The following PTK2B variants were observed in gnomAD, a reference collection of about 807,000 sequenced individuals.
The protein encoded by PTK2B is protein-tyrosine kinase 2-beta.
Under a neutral mutation model 142.9 loss-of-function variants are expected in PTK2B, and 71 were observed. The ratio of observed to expected loss-of-function variants is 0.50; its 90% CI spans 0.41 to 0.61. The LOEUF is 0.61. Ranked by LOEUF, PTK2B falls within the 20% of genes least tolerant of loss-of-function variation. The probability of loss-of-function intolerance (pLI) is 0.00; values close to 1 mark genes in which losing one functional copy is unlikely to be tolerated. For missense variants in PTK2B, 1,105 were observed against 1,320.4 expected, an observed-to-expected ratio of 0.84 and a Z score of 2.53; for synonymous variants, 519 against 503.4, an observed-to-expected ratio of 1.03 and a Z score of -0.42.
chr8:27,459,146 C>G lies in PTK2B; in HGVS notation c.*637C>G, dbSNP rs1937565986. On this transcript the variant is annotated 3_prime_UTR_variant, in exon 31 of 31. Coordinates refer to ENST00000346049, the MANE Select transcript of PTK2B (RefSeq NM_173176.3). ...GCTGTGTTGTCAACAAACCAAGCAT[C>G]AGGGGGAAGAAGCAGAGAGATGCGG... is the stretch of plus-strand genomic sequence containing the variant. The G allele has an allele frequency of 4.2e-6, 1 of 236,800 alleles. No individual in the cohort carries two copies. The highest frequency in any genetic ancestry group is 5.3e-5 in the Admixed American group (1 of 18,706). 14.7% of individuals were successfully genotyped at this position (236,800 alleles called of 1,614,324 possible). A position where few individuals can be genotyped will look rare whatever the true frequency, so the allele number is the denominator to read the frequency against.
At chr8:27,436,147 T>C (rs570487078) in intron 14 of PTK2B, 104 bp from the exon 15 acceptor site, 2 of 1,084,252 alleles carry the variant, frequency 1.8e-6, no homozygotes, top group South Asian at 2.7e-5. Flanking sequence ...GGCTGAGGTG[T>C]TATAGATCTG....
rs551940621 is a variant in PTK2B at position 27,393,213 on chromosome 8, G to C, written c.-37-4335G>C. Among the ~76,000 whole-genome samples, 12 of 152,292 alleles carry C rather than the reference G, an allele frequency of 7.9e-5. No homozygotes were observed. In the South Asian group the frequency reaches 1.2e-3, roughly 16 times the overall value. On this transcript the variant is annotated intron_variant, in intron 1 of 30. Transcript: ENST00000346049. ...CATCTTCACTCCTGCCCACCTCCCA[G>C]GATTGGGCAGCAGATTGTTGTGCAA... is the stretch of plus-strand genomic sequence containing the variant.
intron 5 of PTK2B, among the ~76,000 whole-genome samples, chr8:27,422,782 G>A (rs931293891): frequency 1.6e-4 from 24 of 152,186 alleles, no homozygotes; most frequent in African/African-American, 5.1e-4. Context: ...CCCATCTCCA[G>A]TAGGCACTTG....
intron 1 of PTK2B, among the ~76,000 whole-genome samples, chr8:27,351,380 A>G (rs1013699762): frequency 6.6e-6 from 1 of 151,934 alleles, no homozygotes; most frequent in Non-Finnish European, 1.5e-5. Context: ...AAGATGTTAG[A>G]AGTGATTAAT....
intron 1 of PTK2B, among the ~76,000 whole-genome samples, chr8:27,362,134 C>T (rs1482104603): frequency 6.6e-6 from 1 of 152,166 alleles, no homozygotes; most frequent in East Asian, 1.9e-4. Context: ...CAGGTCTGGC[C>T]CTGAGCCTCC....
At chr8:27,397,003 TG>T (rs1808090503) in intron 1 of PTK2B, among the ~76,000 whole-genome samples, 1 of 152,184 alleles carries the variant, frequency 6.6e-6, no homozygotes, top group South Asian at 2.1e-4. Flanking sequence ...CAGCTGAGGA[TG>T]GGGGTGGACA....
At chr8:27,380,587 G>A (rs1020791224) in intron 1 of PTK2B, 1 of 151,968 alleles carries the variant, frequency 6.6e-6, no homozygotes, top group Non-Finnish European at 1.5e-5. Context: ...AAAGGGCTTG[G>A]GTAACGACAA....
At position 27,367,163 on chromosome 8, in the gene PTK2B, C is replaced by A. The variant is rs551770383; in HGVS notation, c.-37-30385C>A. ...TCACCAATTAATAGTTTTAAACACA[C>A]ACGCACACATGCCACACACACACTG... On this transcript the variant is annotated intron_variant, in intron 1 of 30. Coordinates refer to ENST00000346049, the MANE Select transcript of PTK2B (RefSeq NM_173176.3). 2.3e-4 allele frequency among the ~76,000 whole-genome samples: 35 copies of A among 152,328 alleles called. No individual in the cohort carries two copies. The South Asian group carries it at 3.7e-3, about 16-fold the overall frequency.
intron 1 of PTK2B, among the ~76,000 whole-genome samples, chr8:27,333,234 A>G (rs1165659121): frequency 6.6e-6 from 1 of 152,192 alleles, no homozygotes; most frequent in Non-Finnish European, 1.5e-5. Flanking sequence ...CAAGAGTGGC[A>G]AAAGGCAATC....
rs1586097995 is a variant in PTK2B, at chr8:27,334,297, A to G, written c.-38+8616A>G. ...TTAAATTTACCATTCAGTGCCTCCC[A>G]TAATCCAACCTTGATCTGCTCTTCT... is the stretch of plus-strand genomic sequence containing the variant. On this transcript the variant is annotated intron_variant, in intron 1 of 30. Transcript: ENST00000346049. Among the ~76,000 whole-genome samples the G allele has an allele frequency of 2.0e-5, 3 of 152,270 alleles. No individual in the cohort carries two copies. In the South Asian group the frequency reaches 6.2e-4, roughly 32 times the overall value.
chr8:27,433,423 T>C lies in PTK2B; in HGVS notation c.988-12T>C. 1 of 1,610,456 alleles carries C rather than the reference T, an allele frequency of 6.2e-7. No individual in the cohort carries two copies. Among genetic ancestry groups the C allele is most frequent in the South Asian group, 1.1e-5 (1 of 90,980 alleles). On this transcript the variant is annotated splice_polypyrimidine_tract_variant and intron_variant, in intron 10 of 30. Coordinates refer to ENST00000346049, the MANE Select transcript of PTK2B (RefSeq NM_173176.3). ...TCTGGGGTCTCACCCTTGGCTGGTC[T>C]CTGCTCCGCAGGCCTTGTCCATCAA...
rs1032294653 is a variant in PTK2B, at chr8:27,445,913, C to T, written c.2334C>T (p.Ser778=). 3 of 1,613,530 alleles carry T rather than the reference C, an allele frequency of 1.9e-6. No homozygotes were observed. The highest frequency in any genetic ancestry group is 2.7e-5 in the African/African-American group (2 of 74,920). The stretch of plus-strand genomic sequence containing the variant: ...GGCACAATGTCTTCAAACGCCACAG[C>T]ATGCGGGTAAGAGGGCTCTGCATGC... The part of the protein sequence containing the change: ...LHRHNVFKRH[S]MREEDFIQPS... Residue 778 remains serine, a synonymous_variant, in exon 24 of 31, where the codon AGC becomes AGT. Transcript: ENST00000346049.
At chr8:27,442,747 C>T (rs1811231160) in intron 21 of PTK2B, 128 bp from the exon 22 acceptor site, 12 of 716,254 alleles carry the variant, frequency 1.7e-5, no homozygotes, top group Middle Eastern at 3.0e-4. Context: ...CAGTGAAGAT[C>T]GAAACGGAAA....
chr8:27,311,242 A>G (rs1387627852), upstream of PTK2B: 6 of 1,514,558 alleles, frequency 4.0e-6, no homozygotes, highest in Non-Finnish European at 4.4e-6. Context: ...CCATGGCACG[A>G]GCAGCCGGCT....
At chr8:27,426,674 G>A (rs1287360070) in intron 5 of PTK2B, among the ~76,000 whole-genome samples, 2 of 152,198 alleles carry the variant, frequency 1.3e-5, no homozygotes, top group African/African-American at 4.8e-5. Flanking sequence ...TTTGTCAATG[G>A]TGACTATATA....
intron 1 of PTK2B, among the ~76,000 whole-genome samples, chr8:27,379,512 G>A (rs1285376516): frequency 6.6e-6 from 1 of 152,160 alleles, no homozygotes; most frequent in East Asian, 1.9e-4. Flanking sequence ...ACAGGCGTGA[G>A]CCACCACACC....
chr8:27,419,436 CG>C (rs1307175786), intron 2 of PTK2B, among the ~76,000 whole-genome samples: 1 of 152,182 alleles, frequency 6.6e-6, no homozygotes. Context: ...ATCAGCCACA[CG>C]GGATGGTAAC....
At chr8:27,338,018 C>T (rs749784542) in intron 1 of PTK2B, among the ~76,000 whole-genome samples, 20 of 152,178 alleles carry the variant, frequency 1.3e-4, no homozygotes, top group South Asian at 4.1e-4. Context: ...CACGTTCTCG[C>T]CAACACTTGT....
chr8:27,450,968 G>T, intron 25 of PTK2B, 73 bp downstream of exon 25: 2 of 1,612,462 alleles, frequency 1.2e-6, no homozygotes, highest in South Asian at 2.2e-5. Context: ...GGTGGCTGGG[G>T]CAAGGGTCCC....
Sources: allele counts gnomAD v4.1 joint callset (sites outside exome capture counted in the v4.1 genomes callset), GRCh38; gene constraint gnomAD v4.1.1; transcripts MANE v1.5; gene names NCBI Gene and HGNC (gene_info 2026-07-23, HGNC 2026-07-21).